BMPR1B: variants seen among roughly 807,000 people sequenced by gnomAD.
BMPR1B encodes the protein bone morphogenetic protein receptor type-1B.
A neutral mutation model predicts 59.1 loss-of-function variants in BMPR1B; 12 were observed. The observed-to-expected ratio is 0.20, with a 90% CI of 0.13 to 0.33. The LOEUF (loss-of-function observed/expected upper bound fraction) is 0.33, where lower values mean the gene tolerates loss of function less well. Among genes scored for constraint, BMPR1B ranks in the 10% least tolerant of loss-of-function variants. The pLI, the probability that BMPR1B is intolerant of heterozygous loss-of-function variation, is 1.00. For synonymous variants in BMPR1B, 237 were observed against 207.3 expected (o/e 1.14, Z -1.23); for missense variants, 550 against 610.9 (o/e 0.90, Z 1.05).
Position 95,155,660 on chromosome 4 carries a change from G to C in BMPR1B, c.*987G>C, listed in dbSNP as rs538840799. On this transcript the variant is annotated 3_prime_UTR_variant, in exon 13 of 13. Coordinates refer to ENST00000515059, the MANE Select transcript of BMPR1B (RefSeq NM_001203.3). ...TAAGAGGAACATGTCAACAAAGATA[G>C]GAAATGAGGGTGATCGTGCAGATGG... The C allele has an allele frequency of 1.3e-5, 2 of 151,732 alleles. No individual in the cohort carries two copies. Among genetic ancestry groups the C allele is most frequent in the Admixed American group, 6.6e-5 (1 of 15,222 alleles). The allele number at this position is 151,732 out of a possible 1,614,324, so 9.4% of individuals were successfully genotyped here.
At chr4:94,858,167 G>T (rs1056495327) in intron 1 of BMPR1B, among the ~76,000 whole-genome samples, 1 of 151,928 alleles carries the variant, frequency 6.6e-6, no homozygotes, top group Non-Finnish European at 1.5e-5. Context: ...AGCCAGGATG[G>T]TCTCGATCTC....
intron 2 of BMPR1B, among the ~76,000 whole-genome samples, chr4:94,912,778 A>T (rs188262523): frequency 1.2e-4 from 18 of 152,224 alleles, no homozygotes; most frequent in African/African-American, 3.1e-4. Context: ...GCTCTTAGGG[A>T]GGGCACTTTT....
intron 3 of BMPR1B, among the ~76,000 whole-genome samples, chr4:95,091,224 T>G (rs1441203537): frequency 6.6e-6 from 1 of 152,080 alleles, no homozygotes; most frequent in Non-Finnish European, 1.5e-5. Flanking sequence ...GTCAGTGACA[T>G]TTTTTTCATT....
intron 2 of BMPR1B, among the ~76,000 whole-genome samples, chr4:94,992,531 A>G (rs1487294157): frequency 1.6e-4 from 25 of 152,236 alleles, no homozygotes; most frequent in Non-Finnish European, 3.5e-4. Flanking sequence ...AAAAAAGGTA[A>G]AAACATAACC....
rs377000102 is a variant in BMPR1B at position 95,104,501 on chromosome 4, G to A, written c.77G>A (p.Arg26His). The change falls in exon 4 of 13, where the codon CGT becomes CAT. Residue 26 changes from arginine to histidine, a missense_variant. Physicochemically the swap from Arg to His is conservative, Grantham distance 29. Around this residue, in one of 6 missense-constraint regions of BMPR1B, gnomAD observed 43 missense variants for 35.4 expected, o/e 1.22. Transcript: ENST00000515059. ...EDGESTAPTP[R>H]PKVLRCKCHH... ...GGTGAGAGTACAGCCCCCACCCCCC[G>A]TCCAAAGGTCTTGCGTTGTAAATGC... 5.7e-5 allele frequency: 92 copies of A among 1,612,748 alleles called. No individual in the cohort carries two copies. The highest frequency in any genetic ancestry group is 6.8e-5 in the Non-Finnish European group (80 of 1,179,248).
At chr4:94,784,359 A>G (rs1722691085) in intron 1 of BMPR1B, among the ~76,000 whole-genome samples, 3 of 152,196 alleles carry the variant, frequency 2.0e-5, no homozygotes. Context: ...TTGTTCCTTG[A>G]AAGTTTGATA....
rs1204355843 is a variant in BMPR1B at position 95,131,157 on chromosome 4, G to T, written c.779-58G>T. On this transcript the variant is annotated intron_variant, in intron 9 of 12. Coordinates refer to ENST00000515059, the MANE Select transcript of BMPR1B (RefSeq NM_001203.3). ...GACAAAGAATGATGTTTGAGAATATGAATTATTCCTGATACTATTTGGAAA... is the reference window on the plus strand; with the variant it reads ...GACAAAGAATGATGTTTGAGAATATTAATTATTCCTGATACTATTTGGAAA... The T allele has an allele frequency of 3.3e-6, 5 of 1,506,846 alleles. No individual in the cohort carries two copies. In the East Asian group the frequency reaches 1.1e-4, roughly 34 times the overall value. 93.3% of individuals were successfully genotyped at this position (1,506,846 alleles called of 1,614,324 possible).
chr4:94,929,775 C>T (rs1232058908), intron 2 of BMPR1B, among the ~76,000 whole-genome samples: 1 of 152,024 alleles, frequency 6.6e-6, no homozygotes, highest in Non-Finnish European at 1.5e-5. Context: ...CAGATCCTCA[C>T]GTCCTATGAT....
At chr4:95,110,779 A>C (rs1045690741) in intron 4 of BMPR1B, among the ~76,000 whole-genome samples, 7 of 152,216 alleles carry the variant, frequency 4.6e-5, no homozygotes, top group Non-Finnish European at 1.5e-5. Flanking sequence ...GCACCCTTGC[A>C]TACTCAGCAC....
At chr4:95,001,138 A>G (rs1245253106) in intron 3 of BMPR1B, among the ~76,000 whole-genome samples, 1 of 152,148 alleles carries the variant, frequency 6.6e-6, no homozygotes, top group Non-Finnish European at 1.5e-5. Context: ...ACATGTGCAC[A>G]ATCTGCAGGT....
intron 4 of BMPR1B, among the ~76,000 whole-genome samples, chr4:95,110,787 C>T (rs1219066779): frequency 6.6e-6 from 1 of 152,190 alleles, no homozygotes; most frequent in Admixed American, 6.5e-5. Context: ...GCATACTCAG[C>T]ACCCAGCTCT....
chr4:95,016,584 A>C (rs1300159412), intron 3 of BMPR1B, among the ~76,000 whole-genome samples: 1 of 152,198 alleles, frequency 6.6e-6, no homozygotes, highest in Non-Finnish European at 1.5e-5. Flanking sequence ...ATTATTTTGC[A>C]ATTATTTATA....
chr4:95,068,269 T>C lies in BMPR1B; in HGVS notation c.-17-36139T>C, dbSNP rs151134213. ...TCACTTAATGGCAGTTCCATCCTTA[T>C]AGTTAATTAAGACAAAACTATATTA... On this transcript the variant is annotated intron_variant, in intron 3 of 12. Coordinates refer to ENST00000515059, the MANE Select transcript of BMPR1B (RefSeq NM_001203.3). 1.4e-4 allele frequency among the ~76,000 whole-genome samples: 22 copies of C among 152,324 alleles called. No homozygotes were observed. In the East Asian group the frequency reaches 4.1e-3, roughly 28 times the overall value.
At chr4:94,892,623 G>C (rs1727444225) in intron 2 of BMPR1B, among the ~76,000 whole-genome samples, 1 of 152,002 alleles carries the variant, frequency 6.6e-6, no homozygotes, top group Non-Finnish European at 1.5e-5. Context: ...CTATTGGTAT[G>C]GAGAGTAAGG....
chr4:95,103,405 T>TA (rs752864273), intron 3 of BMPR1B: 9 of 971,936 alleles, frequency 9.3e-6, no homozygotes, highest in Non-Finnish European at 9.8e-6. Context: ...TCACTATAGA[T>TA]AAGCTAAATG....
chr4:94,778,007 CAA>C (rs371811883), intron 1 of BMPR1B, among the ~76,000 whole-genome samples: 4 of 149,718 alleles, frequency 2.7e-5, no homozygotes, highest in East Asian at 2.0e-4. Context: ...GCCTGGGCGA[CAA>C]GAGCAAAACT....
intron 2 of BMPR1B, among the ~76,000 whole-genome samples, chr4:94,887,143 A>C (rs953459719): frequency 2.6e-5 from 4 of 151,928 alleles, no homozygotes; most frequent in African/African-American, 9.7e-5. Context: ...AGAACCACAA[A>C]CTTGGAGGAC....
chr4:94,957,742 C>T (rs11097453), intron 2 of BMPR1B, among the ~76,000 whole-genome samples: 4,771 of 152,072 alleles, frequency 0.031, 119 homozygotes, highest in African/African-American at 0.065. Flanking sequence ...AGATACATTT[C>T]GCTTTGAGAT....
At chr4:95,022,553 G>T (rs1371379989) in intron 3 of BMPR1B, among the ~76,000 whole-genome samples, 1 of 151,990 alleles carries the variant, frequency 6.6e-6, no homozygotes, top group African/African-American at 2.4e-5. Context: ...GATGTTCTAG[G>T]TGTGACCTTT....
Sources: gnomAD v4.1 joint callset for allele counts (sites outside exome capture counted in the v4.1 genomes callset) on GRCh38, gnomAD v4.1.1 for gene constraint, gnomAD v4.1.1 regional missense constraint, MANE v1.5 for transcripts, NCBI Gene and HGNC (gene_info 2026-07-23, HGNC 2026-07-21) for gene names.